GPM6A: variants seen among roughly 807,000 people sequenced by gnomAD.
GPM6A encodes the protein neuronal membrane glycoprotein M6-a.
Under a neutral mutation model 32.1 loss-of-function variants are expected in GPM6A, and 7 were observed. The observed-to-expected ratio is 0.22, with a 90% CI of 0.12 to 0.41. The LOEUF (loss-of-function observed/expected upper bound fraction) is 0.41, where lower values mean the gene tolerates loss of function less well. Among genes scored for constraint, GPM6A ranks in the 10% least tolerant of loss-of-function variants. The pLI, the probability that GPM6A is intolerant of heterozygous loss-of-function variation, is 1.00. For missense variants in GPM6A, 235 were observed against 347.2 expected, an observed-to-expected ratio of 0.68 and a Z score of 2.57; for synonymous variants, 130 against 123.4, an observed-to-expected ratio of 1.05 and a Z score of -0.35.
chr4:175,917,362 C>T (rs1738526075), intron 1 of GPM6A, among the ~76,000 whole-genome samples: 1 of 152,086 alleles, frequency 6.6e-6, no homozygotes, highest in African/African-American at 2.4e-5. Context: ...CTGCCCCTTG[C>T]CTGCATTGAA....
chr4:175,797,381 T>C (rs556551598), intron 1 of GPM6A, among the ~76,000 whole-genome samples: 4 of 152,186 alleles, frequency 2.6e-5, no homozygotes. Flanking sequence ...TTTGGGTAGG[T>C]AGCTGTTGAG....
chr4:175,874,694 G>C (rs558934841), intron 1 of GPM6A, among the ~76,000 whole-genome samples: 1 of 152,188 alleles, frequency 6.6e-6, no homozygotes, highest in Non-Finnish European at 1.5e-5. Flanking sequence ...TGAGACTGAA[G>C]ACGAGAAAGG....
At chr4:175,992,576 A>G (rs1039328063) in intron 1 of GPM6A, among the ~76,000 whole-genome samples, 1 of 152,226 alleles carries the variant, frequency 6.6e-6, no homozygotes, top group African/African-American at 2.4e-5. Context: ...GGACCAAGGT[A>G]GCACAGATCA....
At chr4:175,885,571 C>A in intron 1 of GPM6A, among the ~76,000 whole-genome samples, 1 of 152,082 alleles carries the variant, frequency 6.6e-6, no homozygotes, top group East Asian at 1.9e-4. Context: ...GGCAAGGCTG[C>A]AATGATGCAT....
intron 2 of GPM6A, among the ~76,000 whole-genome samples, chr4:175,679,054 T>C (rs1743536107): frequency 6.6e-6 from 1 of 152,130 alleles, no homozygotes; most frequent in Admixed American, 6.5e-5. Flanking sequence ...TGTATTTCAA[T>C]TTCATCAACC....
At chr4:175,815,219 T>TG (rs1735060642), upstream of GPM6A, among the ~76,000 whole-genome samples, 1 of 152,174 alleles carries the variant, frequency 6.6e-6, no homozygotes. Context: ...TTCACCATGT[T>TG]GGCCAGGCTG....
chr4:175,921,540 A>C (rs1206532900), intron 1 of GPM6A, among the ~76,000 whole-genome samples: 1 of 152,220 alleles, frequency 6.6e-6, no homozygotes, highest in African/African-American at 2.4e-5. Context: ...AAATATAAAT[A>C]AGATTACATA....
chr4:175,759,211 T>A (rs1732645411), intron 1 of GPM6A, among the ~76,000 whole-genome samples: 2 of 151,958 alleles, frequency 1.3e-5, no homozygotes, highest in Admixed American at 1.3e-4. Flanking sequence ...GCTGTATGGG[T>A]TTTTCATAAG....
chr4:175,697,314 C>T (rs1383335595), intron 2 of GPM6A, among the ~76,000 whole-genome samples: 2 of 152,178 alleles, frequency 1.3e-5, no homozygotes, highest in Non-Finnish European at 2.9e-5. Context: ...ACCTACCCTA[C>T]TTCTTACTTA....
At position 175,812,239 on chromosome 4, in the gene GPM6A, T is replaced by TC; in HGVS notation, c.-13_-12insG. Reference sequence around the variant, plus strand: ...ATATTCTCTTCCATGGCTACCTTTCTTCAGTAGAATCTGGTACACGGAATT... The same window carrying TC: ...ATATTCTCTTCCATGGCTACCTTTCTCTCAGTAGAATCTGGTACACGGAATT... On this transcript the variant is annotated 5_prime_UTR_variant, in exon 1 of 7. Transcript: ENST00000393658. 1 of 1,584,906 alleles carries TC rather than the reference T, an allele frequency of 6.3e-7. No homozygotes were observed. Among genetic ancestry groups the TC allele is most frequent in the South Asian group, 1.1e-5 (1 of 87,444 alleles).
chr4:175,805,062 A>G (rs62336057), intron 1 of GPM6A, among the ~76,000 whole-genome samples: 73,105 of 151,654 alleles, frequency 0.48, 18,005 homozygotes, highest in Non-Finnish European at 0.53. Flanking sequence ...AAAACAAAAC[A>G]AAACAAAAAC....
chr4:175,946,610 G>A (rs927519509), intron 1 of GPM6A, among the ~76,000 whole-genome samples: 1 of 152,164 alleles, frequency 6.6e-6, no homozygotes, highest in Non-Finnish European at 1.5e-5. Context: ...AGAAGCCAGC[G>A]ATGTGAGGCA....
intron 1 of GPM6A, among the ~76,000 whole-genome samples, chr4:175,862,467 T>C (rs1429682968): frequency 6.6e-6 from 1 of 152,242 alleles, no homozygotes; most frequent in East Asian, 1.9e-4. Flanking sequence ...TTATAGGTCA[T>C]TTATTCTTGC....
At chr4:175,659,323 G>A (rs193170633) in intron 3 of GPM6A, among the ~76,000 whole-genome samples, 4 of 152,032 alleles carry the variant, frequency 2.6e-5, no homozygotes, top group Admixed American at 2.0e-4. Flanking sequence ...CAGGCAATCC[G>A]CCCACCTTGG....
intron 1 of GPM6A, among the ~76,000 whole-genome samples, chr4:175,725,352 C>T (rs544832461): frequency 3.3e-5 from 5 of 150,014 alleles, no homozygotes; most frequent in African/African-American, 9.8e-5. Context: ...AGTGCAGTGG[C>T]GCCATCATGG....
At chr4:175,674,943 T>C (rs1352289975) in intron 2 of GPM6A, among the ~76,000 whole-genome samples, 3 of 151,830 alleles carry the variant, frequency 2.0e-5, no homozygotes, top group Admixed American at 2.0e-4. Flanking sequence ...AAATAAAACA[T>C]TTATCTAGAA....
intron 1 of GPM6A, among the ~76,000 whole-genome samples, chr4:175,761,497 G>C (rs894525279): frequency 2.6e-5 from 4 of 152,124 alleles, no homozygotes; most frequent in African/African-American, 9.7e-5. Context: ...ATAAAATACA[G>C]CAGGTGTCCT....
intron 1 of GPM6A, among the ~76,000 whole-genome samples, chr4:175,751,335 C>T (rs1474828346): frequency 1.3e-5 from 2 of 152,060 alleles, no homozygotes; most frequent in Non-Finnish European, 2.9e-5. Context: ...TACAGTCAAT[C>T]AGTAAAATTA....
At chr4:175,846,167 AAGAG>A (rs906219835) in intron 1 of GPM6A, among the ~76,000 whole-genome samples, 3 of 152,134 alleles carry the variant, frequency 2.0e-5, no homozygotes, top group African/African-American at 7.2e-5. Context: ...TATTGAAAAC[AAGAG>A]AAAGAAACTA....
Sources: allele counts gnomAD v4.1 joint callset (sites outside exome capture counted in the v4.1 genomes callset), GRCh38; gene constraint gnomAD v4.1.1; transcripts MANE v1.5; gene names NCBI Gene and HGNC (gene_info 2026-07-23, HGNC 2026-07-21).